MAGI2: variants seen among roughly 807,000 people sequenced by gnomAD.
MAGI2 encodes membrane associated guanylate kinase, WW and PDZ domain containing 2.
A neutral mutation model predicts 133.3 loss-of-function variants in MAGI2; 35 were observed. The ratio of observed to expected loss-of-function variants is 0.26; its 90% CI spans 0.20 to 0.35. The LOEUF is 0.35. Among genes scored for constraint, MAGI2 ranks in the 10% least tolerant of loss-of-function variants. The pLI, the probability that MAGI2 is intolerant of heterozygous loss-of-function variation, is 1.00. For missense variants in MAGI2, 1,636 were observed against 1,863.4 expected, an observed-to-expected ratio of 0.88 and a Z score of 2.25; for synonymous variants, 729 against 710.6, an observed-to-expected ratio of 1.03 and a Z score of -0.41.
intron 2 of MAGI2, among the ~76,000 whole-genome samples, chr7:78,667,389 A>C (rs1268041251): frequency 6.6e-6 from 1 of 151,124 alleles, no homozygotes; most frequent in Non-Finnish European, 1.5e-5. Flanking sequence ...AATTTTTTAA[A>C]AAATTTTATT....
At chr7:78,106,958 C>A (rs921753330) in intron 20 of MAGI2, among the ~76,000 whole-genome samples, 3 of 152,022 alleles carry the variant, frequency 2.0e-5, no homozygotes, top group African/African-American at 7.2e-5. Flanking sequence ...TAGAGTTTCC[C>A]CAACTACTTT....
At chr7:78,316,946 C>T (rs543634409) in intron 9 of MAGI2, among the ~76,000 whole-genome samples, 4 of 152,212 alleles carry the variant, frequency 2.6e-5, no homozygotes, top group East Asian at 3.9e-4. Context: ...TTGCTTCACC[C>T]GTGATTCTCT....
intron 1 of MAGI2, among the ~76,000 whole-genome samples, chr7:79,407,988 A>G (rs965765844): frequency 6.6e-5 from 10 of 152,142 alleles, no homozygotes; most frequent in Non-Finnish European, 1.3e-4. Flanking sequence ...TAGCCCTCAA[A>G]TGATATTTGT....
In MAGI2 at chr7:78,363,372, A is replaced by T. The variant is rs6466167; in HGVS notation, c.1103+5784T>A. Among the ~76,000 whole-genome samples the T allele has an allele frequency of 7.9e-3, 1,207 of 152,280 alleles. 15 individuals are homozygous for T. Among genetic ancestry groups the T allele is most frequent in the African/African-American group, 0.027 (1,122 of 41,560 alleles). The stretch of plus-strand genomic sequence containing the variant: ...GCAGGGCGCGGTGGCGGGTGCCTGT[A>T]GTCCCAGCTACTCGGGACGCTGAGG... On this transcript the variant is annotated intron_variant, in intron 7 of 21. Coordinates refer to ENST00000354212, the MANE Select transcript of MAGI2 (RefSeq NM_012301.4).
At chr7:79,262,531 C>T (rs1456430842) in intron 1 of MAGI2, among the ~76,000 whole-genome samples, 2 of 152,168 alleles carry the variant, frequency 1.3e-5, no homozygotes, top group African/African-American at 2.4e-5. Context: ...TTATCATTTA[C>T]TTATCAACAT....
At chr7:78,971,084 T>C (rs531317267) in intron 2 of MAGI2, among the ~76,000 whole-genome samples, 1 of 152,124 alleles carries the variant, frequency 6.6e-6, no homozygotes, top group South Asian at 2.1e-4. Context: ...CAATAAGCAA[T>C]CCAGACAAAC....
chr7:79,053,579 A>G (rs1812873676), intron 1 of MAGI2, among the ~76,000 whole-genome samples: 1 of 152,184 alleles, frequency 6.6e-6, no homozygotes, highest in Non-Finnish European at 1.5e-5. Context: ...GTTTATTAAT[A>G]AAATACACTA....
In MAGI2 at chr7:78,930,898, G is replaced by A. The variant is rs144586265; in HGVS notation, c.418+76192C>T. Among the ~76,000 whole-genome samples, 812 of 152,138 alleles carry A rather than the reference G, an allele frequency of 5.3e-3. 8 individuals carry two copies. Among genetic ancestry groups the A allele is most frequent in the Middle Eastern group, 0.021 (6 of 292 alleles). On this transcript the variant is annotated intron_variant, in intron 2 of 21. Transcript: ENST00000354212. ...AAGGTTTTAACTGAGCAGTTAGTAC[G>A]GAAATACAGTAATTTTGGATGGGCA...
At chr7:78,677,126 T>C (rs17151261) in intron 2 of MAGI2, among the ~76,000 whole-genome samples, 7,650 of 152,148 alleles carry the variant, frequency 0.05, 288 homozygotes, top group East Asian at 0.14. Flanking sequence ...AAAATGTAAG[T>C]TGAGGTCCAT....
At chr7:78,955,234 A>T (rs1476988622) in intron 2 of MAGI2, among the ~76,000 whole-genome samples, 1 of 152,068 alleles carries the variant, frequency 6.6e-6, no homozygotes, top group African/African-American at 2.4e-5. Flanking sequence ...TTTTGTAGTT[A>T]AAAAAACTAT....
At chr7:78,670,610 C>T (rs1814257830) in intron 2 of MAGI2, among the ~76,000 whole-genome samples, 1 of 152,114 alleles carries the variant, frequency 6.6e-6, no homozygotes, top group African/African-American at 2.4e-5. Context: ...GCCCGCATTG[C>T]CAAGTCAATC....
At chr7:79,194,687 T>C (rs966096066) in intron 1 of MAGI2, among the ~76,000 whole-genome samples, 1 of 151,848 alleles carries the variant, frequency 6.6e-6, no homozygotes. Context: ...ACAGAGAAAA[T>C]TGACATCTAG....
chr7:78,934,769 T>G (rs1800395715), intron 2 of MAGI2, among the ~76,000 whole-genome samples: 1 of 152,148 alleles, frequency 6.6e-6, no homozygotes, highest in Admixed American at 6.6e-5. Flanking sequence ...TCAGAAACAT[T>G]TCTGCTCCCA....
chr7:79,430,678 G>C (rs79398951), intron 1 of MAGI2, among the ~76,000 whole-genome samples: 25 of 152,122 alleles, frequency 1.6e-4, no homozygotes, highest in African/African-American at 6.0e-4. Flanking sequence ...AACACTGCTG[G>C]TATTGTGACA....
intron 1 of MAGI2, among the ~76,000 whole-genome samples, chr7:79,072,488 G>T (rs1296409812): frequency 6.6e-6 from 1 of 152,050 alleles, no homozygotes; most frequent in Non-Finnish European, 1.5e-5. Context: ...TTCTTAAAAT[G>T]AATTTTCCTT....
At chr7:78,183,967 G>C (rs34697981) in intron 13 of MAGI2, among the ~76,000 whole-genome samples, 42,364 of 152,020 alleles carry the variant, frequency 0.28, 6,386 homozygotes, top group South Asian at 0.36. Context: ...TCTTCAAAAT[G>C]TGAATTGCAC....
chr7:78,071,629 T>TTGC (rs1814718660), intron 21 of MAGI2, among the ~76,000 whole-genome samples: 1 of 152,116 alleles, frequency 6.6e-6, no homozygotes, highest in South Asian at 2.1e-4. Context: ...TTTCCTGGGG[T>TTGC]TGCCTACATG....
At chr7:79,098,804 G>A (rs1339816689) in intron 1 of MAGI2, among the ~76,000 whole-genome samples, 4 of 152,158 alleles carry the variant, frequency 2.6e-5, no homozygotes, top group Non-Finnish European at 5.9e-5. Flanking sequence ...GAAATAAATG[G>A]ACCCATAACC....
intron 1 of MAGI2, among the ~76,000 whole-genome samples, chr7:79,304,191 G>C (rs900521930): frequency 1.2e-5 from 1 of 83,768 alleles, no homozygotes; most frequent in Non-Finnish European, 2.3e-5. Context: ...ATGTGTGTGT[G>C]TGTGTGTGTG....
Sources: gnomAD v4.1 joint callset for allele counts (sites outside exome capture counted in the v4.1 genomes callset) on GRCh38, gnomAD v4.1.1 for gene constraint, MANE v1.5 for transcripts, NCBI Gene and HGNC (gene_info 2026-07-23, HGNC 2026-07-21) for gene names.